Variants in GPC5 observed in about 807,000 individuals in gnomAD.
GPC5 encodes glypican 5, also known as glypican-5.
In GPC5, 47 loss-of-function variants were observed where a neutral mutation model predicts 53.9. The ratio of observed to expected loss-of-function variants is 0.87; its 90% CI spans 0.69 to 1.11. The LOEUF (loss-of-function observed/expected upper bound fraction) is 1.11. GPC5 is among the 50% of genes most tolerant of loss of function. The pLI, the probability that GPC5 is intolerant of heterozygous loss-of-function variation, is 0.00. For missense variants in GPC5, 748 were observed against 713.1 expected, an observed-to-expected ratio of 1.05 and a Z score of -0.56; for synonymous variants, 286 against 263.3, an observed-to-expected ratio of 1.09 and a Z score of -0.84.
At chr13:91,893,537 C>T (rs1044389545) in intron 5 of GPC5, among the ~76,000 whole-genome samples, 3 of 152,010 alleles carry the variant, frequency 2.0e-5, no homozygotes, top group Non-Finnish European at 4.4e-5. Flanking sequence ...CATACCTAAG[C>T]CACATACATA....
intron 7 of GPC5, among the ~76,000 whole-genome samples, chr13:92,739,976 T>C (rs1001892403): frequency 6.6e-6 from 1 of 152,030 alleles, no homozygotes; most frequent in Admixed American, 6.6e-5. Context: ...ATCATCAAAG[T>C]CACCAGTGAC....
chr13:91,492,276 G>C (rs77907718), intron 2 of GPC5, among the ~76,000 whole-genome samples: 1 of 152,090 alleles, frequency 6.6e-6, no homozygotes, highest in Non-Finnish European at 1.5e-5. Context: ...GAACAAACTG[G>C]ATATATATAC....
intron 7 of GPC5, among the ~76,000 whole-genome samples, chr13:92,681,147 C>T (rs1048820948): frequency 6.6e-6 from 1 of 151,510 alleles, no homozygotes; most frequent in Non-Finnish European, 1.5e-5. Context: ...AACTTAAAAT[C>T]GACATGGCCT....
chr13:92,772,598 C>G lies in GPC5; in HGVS notation c.1562-93684C>G, dbSNP rs139809467. Among the ~76,000 whole-genome samples the G allele has an allele frequency of 6.3e-3, 953 of 152,200 alleles. 7 individuals carry two copies. The highest frequency in any genetic ancestry group is 0.021 in the African/African-American group (892 of 41,540). On this transcript the variant is annotated intron_variant, in intron 7 of 7. Transcript: ENST00000377067. The stretch of plus-strand genomic sequence containing the variant: ...TTTCTTTATCATTCACCCTGTTTTA[C>G]TTTTGTTCATAGCCTTTACCACTAC...
intron 7 of GPC5, among the ~76,000 whole-genome samples, chr13:92,546,267 C>T (rs907737813): frequency 1.3e-5 from 2 of 152,050 alleles, no homozygotes; most frequent in African/African-American, 4.8e-5. Context: ...CTAGAAAACC[C>T]CATCGTCTCA....
chr13:92,660,518 C>A (rs1478141148), intron 7 of GPC5, among the ~76,000 whole-genome samples: 1 of 151,692 alleles, frequency 6.6e-6, no homozygotes, highest in East Asian at 1.9e-4. Flanking sequence ...TATGTGAACA[C>A]AAATTCATGC....
chr13:91,767,532 G>A (rs2037547186), intron 5 of GPC5, among the ~76,000 whole-genome samples: 1 of 152,168 alleles, frequency 6.6e-6, no homozygotes, highest in South Asian at 2.1e-4. Flanking sequence ...ACAACAGATT[G>A]TTTTGGGTGA....
At chr13:92,216,752 G>C (rs991666517) in intron 7 of GPC5, among the ~76,000 whole-genome samples, 1 of 152,026 alleles carries the variant, frequency 6.6e-6, no homozygotes, top group Non-Finnish European at 1.5e-5. Flanking sequence ...GGCCAAGGTG[G>C]GCGGACCACC....
At chr13:92,253,872 A>C (rs2042708850) in intron 7 of GPC5, among the ~76,000 whole-genome samples, 1 of 152,132 alleles carries the variant, frequency 6.6e-6, no homozygotes, top group African/African-American at 2.4e-5. Flanking sequence ...TCCCAAAAGG[A>C]ATAAATTAGG....
intron 6 of GPC5, among the ~76,000 whole-genome samples, chr13:92,123,891 A>T (rs977480776): frequency 7.2e-5 from 11 of 152,196 alleles, no homozygotes; most frequent in African/African-American, 2.7e-4. Context: ...ACCTTTTTCT[A>T]CGAAGATGTC....
chr13:91,845,302 GT>G lies in GPC5; in HGVS notation c.1281-62626del, dbSNP rs141878341. Among the ~76,000 whole-genome samples the G allele has an allele frequency of 6.2e-4, 94 of 150,666 alleles. 1 individual carries two copies. Among genetic ancestry groups the G allele is most frequent in the African/African-American group, 2.0e-3 (82 of 40,972 alleles). ...TGCCTTTAACCTAAAAATCAGTAAG[GT>G]TTTTTTTTAATCGTTTAGTCTTTTT... is the stretch of plus-strand genomic sequence containing the variant. On this transcript the variant is annotated intron_variant, in intron 5 of 7. Transcript: ENST00000377067.
chr13:92,655,568 C>T (rs1451424676), intron 7 of GPC5, among the ~76,000 whole-genome samples: 2 of 152,154 alleles, frequency 1.3e-5, no homozygotes, highest in African/African-American at 2.4e-5. Flanking sequence ...CTCCTGACCT[C>T]TGGTGATCCA....
At chr13:92,329,863 C>A (rs1012924221) in intron 7 of GPC5, among the ~76,000 whole-genome samples, 6 of 151,612 alleles carry the variant, frequency 4.0e-5, no homozygotes, top group African/African-American at 1.5e-4. Flanking sequence ...TGAAGATCTC[C>A]CAAGGAGGGT....
chr13:92,429,975 G>C (rs1296861312), intron 7 of GPC5, among the ~76,000 whole-genome samples: 2 of 151,798 alleles, frequency 1.3e-5, no homozygotes, highest in African/African-American at 4.8e-5. Flanking sequence ...TAGATTTTAA[G>C]TATTGCCATC....
chr13:92,755,495 G>T (rs1331268679), intron 7 of GPC5, among the ~76,000 whole-genome samples: 1 of 152,002 alleles, frequency 6.6e-6, no homozygotes, highest in African/African-American at 2.4e-5. Flanking sequence ...AGAACTGAAG[G>T]CAATGGAGAC....
chr13:91,859,466 T>G (rs562617778), intron 5 of GPC5, among the ~76,000 whole-genome samples: 1 of 152,028 alleles, frequency 6.6e-6, no homozygotes, highest in Admixed American at 6.6e-5. Context: ...CTAGAGTATA[T>G]TGATACATAT....
At chr13:92,240,034 T>C (rs1312868248) in intron 7 of GPC5, 1 of 152,060 alleles carries the variant, frequency 6.6e-6, no homozygotes, top group Non-Finnish European at 1.5e-5. Context: ...TCTAGCTTTT[T>C]TATATGAAAA....
chr13:91,462,089 C>T (rs551920280), intron 2 of GPC5, among the ~76,000 whole-genome samples: 6 of 152,166 alleles, frequency 3.9e-5, no homozygotes, highest in African/African-American at 9.6e-5. Flanking sequence ...TGGAAACCAA[C>T]GTGAATACTA....
intron 7 of GPC5, among the ~76,000 whole-genome samples, chr13:92,508,963 T>A (rs1331985239): frequency 6.6e-6 from 1 of 152,202 alleles, no homozygotes; most frequent in Non-Finnish European, 1.5e-5. Flanking sequence ...AAATCTCTGT[T>A]GCAAGTACTG....
Sources: gnomAD v4.1 joint callset for allele counts (sites outside exome capture counted in the v4.1 genomes callset) on GRCh38, gnomAD v4.1.1 for gene constraint, MANE v1.5 for transcripts, NCBI Gene and HGNC (gene_info 2026-07-23, HGNC 2026-07-21) for gene names.